The following CIMAP2 variants were observed in gnomAD, a reference collection of about 807,000 sequenced individuals.
The protein encoded by CIMAP2 is ciliary microtubule associated protein 2.
the CIMAP2 span, among the ~76,000 whole-genome samples, chr1:54,829,148 CATAT>C: frequency 6.6e-6 from 1 of 152,118 alleles, no homozygotes; most frequent in East Asian, 1.9e-4. Context: ...TCAAAATAAG[CATAT>C]ATTGTTTTAT....
At chr1:54,808,990 G>GTTTAGCATACCTCCCCCC in the CIMAP2 span, among the ~76,000 whole-genome samples, 11 of 147,036 alleles carry the variant, frequency 7.5e-5, no homozygotes, top group African/African-American at 1.5e-4. Flanking sequence ...TCTTGTGTGT[G>GTTTAGCATACCTCCCCCC]ACTGGACAGC....
At chr1:54,811,772 T>TCCCCCCCCCCCCCCCCCCCCCCCCCCCCC in the CIMAP2 span, 1 of 454,868 alleles carries the variant, frequency 2.2e-6, no homozygotes, top group Non-Finnish European at 4.3e-6. Context: ...ACAGCCTCCA[T>TCCCCCCCCCCCCCCCCCCCCCCCCCCCCC]GCCCCCACCC....
the CIMAP2 span, among the ~76,000 whole-genome samples, chr1:54,821,340 C>A: frequency 3.3e-5 from 5 of 152,018 alleles, no homozygotes; most frequent in African/African-American, 1.2e-4. Flanking sequence ...ATGTTTTATT[C>A]TAGTAGTTTT....
At chr1:54,806,918 C>G in the CIMAP2 span, 7 of 1,351,986 alleles carry the variant, frequency 5.2e-6, no homozygotes, top group Non-Finnish European at 7.4e-6. Context: ...GCAGCCAACT[C>G]CCCCATGCTC....
the CIMAP2 span, among the ~76,000 whole-genome samples, chr1:54,840,746 T>C: frequency 6.6e-6 from 1 of 152,272 alleles, no homozygotes; most frequent in Non-Finnish European, 1.5e-5. Flanking sequence ...TTGAGGATCT[T>C]TTCATAGGCA....
chr1:54,821,737 AT>A, the CIMAP2 span, among the ~76,000 whole-genome samples: 1 of 152,030 alleles, frequency 6.6e-6, no homozygotes, highest in East Asian at 1.9e-4. Flanking sequence ...TTGTATGTTA[AT>A]TTTGTATTCT....
At chr1:54,841,464 G>A in the CIMAP2 span, 11 of 1,283,554 alleles carry the variant, frequency 8.6e-6, no homozygotes, top group Non-Finnish European at 1.2e-5. Flanking sequence ...CCTCAGGTAA[G>A]TTCCCTCCTC....
chr1:54,817,058 C>G, the CIMAP2 span: 1,055 of 1,614,182 alleles, frequency 6.5e-4, 2 homozygotes, highest in Non-Finnish European at 8.2e-4. Flanking sequence ...GCAGCGATAT[C>G]GATCCCTATT....
the CIMAP2 span, chr1:54,815,185 C>A: frequency 8.2e-7 from 1 of 1,219,502 alleles, no homozygotes; most frequent in Non-Finnish European, 1.1e-6. Flanking sequence ...GAGGTCCACT[C>A]CCACTGTCTT....
chr1:54,815,288 G>A, the CIMAP2 span, among the ~76,000 whole-genome samples: 2 of 152,250 alleles, frequency 1.3e-5, no homozygotes, highest in African/African-American at 4.8e-5. Flanking sequence ...CCATGCCAGA[G>A]CTTCTGATAC....
the CIMAP2 span, chr1:54,807,758 G>A: frequency 2.1e-4 from 320 of 1,521,450 alleles, 1 homozygote; most frequent in Non-Finnish European, 1.4e-4. Context: ...CAGCTGCTCT[G>A]TGTGGCCTTC....
the CIMAP2 span, among the ~76,000 whole-genome samples, chr1:54,814,441 C>T: frequency 1.1e-4 from 17 of 152,252 alleles, no homozygotes; most frequent in Admixed American, 9.8e-4. Context: ...CTGAGCAGGC[C>T]CCCAAAGCAC....
At chr1:54,830,384 G>A in the CIMAP2 span, among the ~76,000 whole-genome samples, 2 of 151,988 alleles carry the variant, frequency 1.3e-5, no homozygotes, top group Non-Finnish European at 2.9e-5. This position sits in a 1 kb window ranked among gnomAD's most constrained non-coding sequence, Gnocchi z 4.1. Context: ...CACCACACTC[G>A]GCTAATTTTG....
At chr1:54,814,093 A>G in the CIMAP2 span, 1 of 1,290,636 alleles carries the variant, frequency 7.7e-7, no homozygotes, top group Non-Finnish European at 1.0e-6. Flanking sequence ...GATCAGACTG[A>G]CTTGGTTTCC....
At chr1:54,810,027 G>A in the CIMAP2 span, among the ~76,000 whole-genome samples, 1 of 152,172 alleles carries the variant, frequency 6.6e-6, no homozygotes, top group African/African-American at 2.4e-5. Flanking sequence ...CAGCCCAAGT[G>A]TGGTACTGAA....
At chr1:54,841,447 C>T in the CIMAP2 span, among the ~76,000 whole-genome samples, 1 of 152,072 alleles carries the variant, frequency 6.6e-6, no homozygotes, top group South Asian at 2.1e-4. Flanking sequence ...TGCTGGCCTT[C>T]AGGTGACCTC....
chr1:54,829,431 A>G, the CIMAP2 span, among the ~76,000 whole-genome samples: 1 of 152,240 alleles, frequency 6.6e-6, no homozygotes, highest in African/African-American at 2.4e-5. Flanking sequence ...TCAGAGGCTC[A>G]ACTTCAGCAT....
At chr1:54,811,342 G>C in the CIMAP2 span, among the ~76,000 whole-genome samples, 435 of 152,278 alleles carry the variant, frequency 2.9e-3, 1 homozygote, top group African/African-American at 0.01. Context: ...CAGGAGGAAG[G>C]CTTCATTCCC....
At chr1:54,807,553 T>C in the CIMAP2 span, 10 of 1,592,056 alleles carry the variant, frequency 6.3e-6, no homozygotes, top group Non-Finnish European at 7.7e-6. Flanking sequence ...GACTTACAGC[T>C]CCAAAGAGAC....
Sources: gnomAD v4.1 joint callset for allele counts (sites outside exome capture counted in the v4.1 genomes callset) on GRCh38, gnomAD v4.1.1 for gene constraint, Gnocchi (gnomAD v3.1) non-coding constraint, MANE v1.5 for transcripts, NCBI Gene and HGNC (gene_info 2026-07-23, HGNC 2026-07-21) for gene names.